CC2D2B: variants seen among roughly 807,000 people sequenced by gnomAD.
CC2D2B encodes protein CC2D2B.
A neutral mutation model predicts 161.2 loss-of-function variants in CC2D2B; 128 were observed. The observed-to-expected ratio is 0.79, with a 90% CI of 0.69 to 0.92. The LOEUF (loss-of-function observed/expected upper bound fraction) is 0.92. CC2D2B is among the 40% of genes least tolerant of loss of function. The probability of loss-of-function intolerance (pLI) is 0.00; values close to 1 mark genes in which losing one functional copy is unlikely to be tolerated. For synonymous variants in CC2D2B, 391 were observed against 449.8 expected (o/e 0.87, Z 1.65); for missense variants, 1,173 against 1,375.1 (o/e 0.85, Z 2.32).
intron 22 of CC2D2B, 64 bp downstream of exon 22, chr10:95,992,761 A>G: frequency 9.6e-7 from 1 of 1,040,862 alleles, no homozygotes; most frequent in Admixed American, 4.3e-5. Context: ...AGAATTCTCC[A>G]TGCTGTTCTA....
chr10:95,945,777 CTTTTTTTT>C (rs34209550), intron 9 of CC2D2B, among the ~76,000 whole-genome samples: 1 of 81,124 alleles, frequency 1.2e-5, no homozygotes, highest in Non-Finnish European at 2.4e-5. Context: ...TAATGTTGGA[CTTTTTTTT>C]TTTTTTTTTT....
intron 24 of CC2D2B, among the ~76,000 whole-genome samples, chr10:96,002,543 A>G (rs2078545320): frequency 1.3e-5 from 2 of 152,234 alleles, no homozygotes; most frequent in South Asian, 4.1e-4. Context: ...AAAATGTTGT[A>G]AGGATGACAG....
At chr10:95,950,381 G>A (rs1300115736) in intron 10 of CC2D2B, 1 of 235,560 alleles carries the variant, frequency 4.2e-6, no homozygotes, top group African/African-American at 2.2e-5. Context: ...TTAATGAAAA[G>A]AGCCATGTGG....
intron 19 of CC2D2B, among the ~76,000 whole-genome samples, chr10:95,987,000 A>C (rs2077755376): frequency 6.6e-6 from 1 of 152,056 alleles, no homozygotes; most frequent in African/African-American, 2.4e-5. Flanking sequence ...TATTGTGTTA[A>C]CTCCTAAAAC....
intron 24 of CC2D2B, among the ~76,000 whole-genome samples, chr10:96,001,635 C>G (rs1001252439): frequency 1.3e-5 from 2 of 152,166 alleles, no homozygotes; most frequent in East Asian, 1.9e-4. Context: ...AAAGGGAGAC[C>G]CTGTTTATGC....
chr10:95,922,169 C>T, intron 3 of CC2D2B, 93 bp downstream of exon 3: 1 of 597,186 alleles, frequency 1.7e-6, no homozygotes, highest in Non-Finnish European at 2.8e-6. Context: ...CAGCTGGGAA[C>T]ACAAATTTCC....
chr10:96,011,949 C>T (rs2079011242), intron 26 of CC2D2B, among the ~76,000 whole-genome samples: 1 of 152,098 alleles, frequency 6.6e-6, no homozygotes, highest in Admixed American at 6.6e-5. Flanking sequence ...CCATTCCTTT[C>T]TTACTCCTAC....
intron 3 of CC2D2B, among the ~76,000 whole-genome samples, chr10:95,923,350 TG>T (rs746374231): frequency 1.3e-5 from 2 of 152,182 alleles, no homozygotes; most frequent in African/African-American, 4.8e-5. Context: ...CCTCCCAAAA[TG>T]CTGAGATTGC....
intron 19 of CC2D2B, among the ~76,000 whole-genome samples, chr10:95,985,757 TA>T (rs1477419710): frequency 6.6e-6 from 1 of 152,000 alleles, no homozygotes; most frequent in Non-Finnish European, 1.5e-5. Flanking sequence ...CAAAAGCAAA[TA>T]GGAGAAATAT....
At chr10:95,912,002 T>C (rs1856686283) in intron 2 of CC2D2B, among the ~76,000 whole-genome samples, 1 of 152,190 alleles carries the variant, frequency 6.6e-6, no homozygotes, top group Non-Finnish European at 1.5e-5. Context: ...TTAATAGTGG[T>C]ACAAGAACGA....
intron 2 of CC2D2B, among the ~76,000 whole-genome samples, chr10:95,916,372 T>C (rs1430628254): frequency 6.6e-6 from 1 of 152,114 alleles, no homozygotes; most frequent in Non-Finnish European, 1.5e-5. Context: ...CATTGGTGTT[T>C]TGTATTTTTT....
chr10:95,919,614 C>T (rs2098522715), intron 2 of CC2D2B: 1 of 152,198 alleles, frequency 6.6e-6, no homozygotes, highest in Non-Finnish European at 1.5e-5. Context: ...TGCTAGGTCT[C>T]ACCCAAGGCC....
At chr10:95,995,858 T>C (rs2078211745) in intron 23 of CC2D2B, among the ~76,000 whole-genome samples, 1 of 152,260 alleles carries the variant, frequency 6.6e-6, no homozygotes, top group African/African-American at 2.4e-5. Flanking sequence ...TAAAGATGTT[T>C]CTCTTATTTC....
intron 6 of CC2D2B, among the ~76,000 whole-genome samples, chr10:95,937,166 C>T (rs754100306): frequency 5.3e-4 from 80 of 152,134 alleles, no homozygotes; most frequent in Non-Finnish European, 8.2e-4. Context: ...CAGTATTGAT[C>T]GAGGCCATGT....
chr10:95,998,706 CAGGGG>C (rs1451711821), intron 24 of CC2D2B, among the ~76,000 whole-genome samples: 2 of 152,124 alleles, frequency 1.3e-5, no homozygotes, highest in East Asian at 3.9e-4. Flanking sequence ...CCCTCTTCCA[CAGGGG>C]AGGTCAGTCT....
chr10:95,981,284 C>T (rs543103243), intron 17 of CC2D2B, among the ~76,000 whole-genome samples: 45 of 150,754 alleles, frequency 3.0e-4, no homozygotes, highest in African/African-American at 1.0e-3. Flanking sequence ...CTCAGCTACT[C>T]GGGAGGCTGA....
chr10:96,013,766 A>G (rs2079085946), intron 28 of CC2D2B, 22 bp from the exon 29 acceptor site: 6 of 1,472,236 alleles, frequency 4.1e-6, no homozygotes, highest in Non-Finnish European at 4.7e-6. Context: ...CACACACTCA[A>G]TAAATGTGAA....
chr10:96,009,793 A>G, intron 25 of CC2D2B, 32 bp from the exon 26 acceptor site: 1 of 995,454 alleles, frequency 1.0e-6, no homozygotes, highest in Non-Finnish European at 1.5e-6. Context: ...CATGATATTA[A>G]GTAAGTAATA....
At chr10:95,997,826 G>T (rs976767429) in intron 24 of CC2D2B, among the ~76,000 whole-genome samples, 4 of 152,188 alleles carry the variant, frequency 2.6e-5, no homozygotes, top group Non-Finnish European at 5.9e-5. Context: ...TTGAGAACCT[G>T]TTTTCTAGGA....
Sources: allele counts gnomAD v4.1 joint callset (sites outside exome capture counted in the v4.1 genomes callset), GRCh38; gene constraint gnomAD v4.1.1; transcripts MANE v1.5; gene names NCBI Gene and HGNC (gene_info 2026-07-23, HGNC 2026-07-21).